The following TTC39B variants were observed in gnomAD, a reference collection of about 807,000 sequenced individuals.
TTC39B encodes the protein tetratricopeptide repeat protein 39B.
Under a neutral mutation model 96.6 loss-of-function variants are expected in TTC39B, and 92 were observed. The observed-to-expected ratio is 0.95, with a 90% confidence interval of 0.80 to 1.13. TTC39B has a LOEUF of 1.13. Among genes scored for constraint, TTC39B ranks in the 50% most tolerant of loss-of-function variants. The probability of loss-of-function intolerance (pLI) is 0.00; values close to 1 mark genes in which losing one functional copy is unlikely to be tolerated. For synonymous variants in TTC39B, 367 were observed against 299.4 expected (o/e 1.23, Z -2.33); for missense variants, 955 against 809.3 (o/e 1.18, Z -2.18).
intron 3 of TTC39B, among the ~76,000 whole-genome samples, chr9:15,214,613 C>T (rs538183092): frequency 1.3e-5 from 2 of 152,246 alleles, no homozygotes; most frequent in East Asian, 1.9e-4. Flanking sequence ...CTTCCCTCCC[C>T]GACCGTGGAA....
intron 3 of TTC39B, among the ~76,000 whole-genome samples, chr9:15,217,057 G>A (rs540764073): frequency 1.3e-5 from 2 of 152,252 alleles, no homozygotes; most frequent in South Asian, 4.2e-4. Context: ...CTAGGTTGAG[G>A]GCAGAGGGGG....
intron 7 of TTC39B, among the ~76,000 whole-genome samples, chr9:15,201,170 G>C (rs1285681944): frequency 6.6e-6 from 1 of 151,060 alleles, no homozygotes; most frequent in African/African-American, 2.4e-5. Flanking sequence ...GAAATTCAAT[G>C]TTTATCTTCT....
At chr9:15,223,735 A>G (rs947347171) in intron 3 of TTC39B, among the ~76,000 whole-genome samples, 1 of 152,176 alleles carries the variant, frequency 6.6e-6, no homozygotes, top group Admixed American at 6.5e-5. Context: ...AAAGAAAAAG[A>G]CTATGAAAAC....
chr9:15,198,198 C>G (rs1049663844), intron 8 of TTC39B, among the ~76,000 whole-genome samples: 5 of 152,088 alleles, frequency 3.3e-5, no homozygotes, highest in Non-Finnish European at 5.9e-5. Flanking sequence ...GTGGCTCATG[C>G]CTGTAATCCC....
intron 2 of TTC39B, among the ~76,000 whole-genome samples, chr9:15,233,646 G>T (rs892050117): frequency 6.6e-6 from 1 of 152,320 alleles, no homozygotes; most frequent in Admixed American, 6.5e-5. Context: ...ACGGAGTCTC[G>T]TTCGCTCAGT....
At chr9:15,245,712 T>C (rs1003840136) in intron 2 of TTC39B, among the ~76,000 whole-genome samples, 114 of 152,170 alleles carry the variant, frequency 7.5e-4, no homozygotes, top group Non-Finnish European at 1.4e-3. Flanking sequence ...CCACCTATAA[T>C]AACTCAAAAT....
intron 2 of TTC39B, among the ~76,000 whole-genome samples, chr9:15,227,541 G>A (rs1564367102): frequency 6.6e-6 from 1 of 152,116 alleles, no homozygotes; most frequent in Non-Finnish European, 1.5e-5. Flanking sequence ...AACTCCACAG[G>A]TAAGGGAAAA....
chr9:15,267,591 G>C (rs1272954286), intron 2 of TTC39B, among the ~76,000 whole-genome samples: 1 of 152,044 alleles, frequency 6.6e-6, no homozygotes, highest in Non-Finnish European at 1.5e-5. Context: ...ATAAAACTAA[G>C]TGCAAACCAA....
intron 4 of TTC39B, among the ~76,000 whole-genome samples, chr9:15,213,175 G>A (rs902033060): frequency 6.6e-6 from 1 of 152,034 alleles, no homozygotes; most frequent in Non-Finnish European, 1.5e-5. Context: ...GAGACTGAGA[G>A]AGGGAAAGAC....
At chr9:15,200,844 C>A (rs1489494542) in intron 7 of TTC39B, among the ~76,000 whole-genome samples, 1 of 152,164 alleles carries the variant, frequency 6.6e-6, no homozygotes, top group East Asian at 1.9e-4. Context: ...ACTAAAAATT[C>A]AGAAAGTAGC....
At chr9:15,225,102 A>G (rs1821050040) in intron 3 of TTC39B, among the ~76,000 whole-genome samples, 2 of 152,218 alleles carry the variant, frequency 1.3e-5, no homozygotes, top group Admixed American at 6.5e-5. Context: ...TTCATGTTCA[A>G]AGAGAGAATC....
At chr9:15,191,139 A>G in intron 10 of TTC39B, 51 bp downstream of exon 10, 1 of 1,352,922 alleles carries the variant, frequency 7.4e-7, no homozygotes, top group Non-Finnish European at 1.1e-6. Flanking sequence ...CATGTTCAAT[A>G]AATACTGTCT....
chr9:15,227,339 T>C (rs1176599913), intron 2 of TTC39B, among the ~76,000 whole-genome samples: 1 of 151,840 alleles, frequency 6.6e-6, no homozygotes, highest in Non-Finnish European at 1.5e-5. Context: ...GTGTCCTCAA[T>C]TAAGTGGAGT....
intron 1 of TTC39B, among the ~76,000 whole-genome samples, chr9:15,284,797 T>C (rs866286102): frequency 1.8e-4 from 28 of 152,246 alleles, no homozygotes; most frequent in South Asian, 1.7e-3. Flanking sequence ...ATTTAAATCT[T>C]TTACAGTGAG....
At chr9:15,271,497 T>C (rs1487434846) in intron 1 of TTC39B, among the ~76,000 whole-genome samples, 1 of 152,150 alleles carries the variant, frequency 6.6e-6, no homozygotes, top group Non-Finnish European at 1.5e-5. Flanking sequence ...CATCAGACAT[T>C]AGATTCTCAT....
At chr9:15,303,690 T>C (rs1031741599) in intron 1 of TTC39B, among the ~76,000 whole-genome samples, 1 of 151,984 alleles carries the variant, frequency 6.6e-6, no homozygotes. Context: ...TGGAGTACAA[T>C]GGTGCGATCT....
chr9:15,259,596 T>C (rs1034356983), intron 2 of TTC39B, among the ~76,000 whole-genome samples: 1 of 152,202 alleles, frequency 6.6e-6, no homozygotes, highest in Non-Finnish European at 1.5e-5. Flanking sequence ...ATGTGATATA[T>C]TCATATAAAT....
intron 4 of TTC39B, among the ~76,000 whole-genome samples, chr9:15,212,975 G>A (rs1432450517): frequency 6.6e-6 from 1 of 152,138 alleles, no homozygotes; most frequent in African/African-American, 2.4e-5. Context: ...AATTATAAAT[G>A]TTCCTGACAC....
At chr9:15,175,563 G>C (rs1350146934) in intron 18 of TTC39B, among the ~76,000 whole-genome samples, 3 of 152,018 alleles carry the variant, frequency 2.0e-5, no homozygotes, top group Non-Finnish European at 4.4e-5. Flanking sequence ...ATAAAGAAAT[G>C]GTCAACACTT....
Sources: allele counts gnomAD v4.1 joint callset (sites outside exome capture counted in the v4.1 genomes callset), GRCh38; gene constraint gnomAD v4.1.1; transcripts MANE v1.5; gene names NCBI Gene and HGNC (gene_info 2026-07-23, HGNC 2026-07-21).